CCDC171: variants seen among roughly 807,000 people sequenced by gnomAD.
CCDC171 encodes the protein coiled-coil domain-containing protein 171.
A neutral mutation model predicts 168.2 loss-of-function variants in CCDC171; 177 were observed. The ratio of observed to expected loss-of-function variants is 1.05; its 90% CI spans 0.93 to 1.19. The LOEUF is 1.19. Among genes scored for constraint, CCDC171 ranks in the 50% most tolerant of loss-of-function variants. The probability of loss-of-function intolerance (pLI) is 0.00; values close to 1 mark genes in which losing one functional copy is unlikely to be tolerated. For synonymous variants in CCDC171, 687 were observed against 540.8 expected, an observed-to-expected ratio of 1.27 and a Z score of -3.75; for missense variants, 1,991 against 1,539.0, an observed-to-expected ratio of 1.29 and a Z score of -4.91.
intron 10 of CCDC171, among the ~76,000 whole-genome samples, chr9:15,679,993 C>G (rs1258034955): frequency 4.6e-5 from 7 of 152,098 alleles, no homozygotes; most frequent in Non-Finnish European, 1.0e-4. Flanking sequence ...ATCTGTGAAG[C>G]TTTCTGTGAT....
At chr9:15,976,496 A>G, downstream of CCDC171, among the ~76,000 whole-genome samples, 1 of 152,076 alleles carries the variant, frequency 6.6e-6, no homozygotes. Flanking sequence ...TACAGTTTTA[A>G]AAAGATGCCT....
intron 3 of CCDC171, among the ~76,000 whole-genome samples, chr9:15,997,259 A>C (rs1461079774): frequency 6.6e-6 from 1 of 152,092 alleles, no homozygotes; most frequent in Non-Finnish European, 1.5e-5. Flanking sequence ...TAGAGCAAAG[A>C]CTGCGTCTTA....
At chr9:15,918,808 G>A (rs373278158) in intron 24 of CCDC171, among the ~76,000 whole-genome samples, 103 of 151,678 alleles carry the variant, frequency 6.8e-4, no homozygotes, top group African/African-American at 2.3e-3. Context: ...TAGATTAGGT[G>A]TTAAGATTAT....
chr9:15,821,938 A>ATGT lies in CCDC171; in HGVS notation c.3268-24764_3268-24763insTGT, dbSNP rs2059790124. 6.1e-5 allele frequency among the ~76,000 whole-genome samples: 3 copies of ATGT among 49,008 alleles called. 1 individual carries two copies. Among genetic ancestry groups the ATGT allele is most frequent in the Non-Finnish European group, 1.5e-4 (3 of 19,524 alleles). The allele number at this position is 49,008 out of a possible 152,430, so 32.2% of individuals were successfully genotyped here. A position where few individuals can be genotyped will look rare whatever the true frequency, so the allele number is the denominator to read the frequency against. On this transcript the variant is annotated intron_variant, in intron 21 of 25. Transcript: ENST00000380701. ...ACGCTACCTGACTTCAAACTATACA[A>ATGT]CAAGGCTACAGTAACCAAAACACCA...
chr9:15,679,199 G>T (rs1212246330), intron 10 of CCDC171, among the ~76,000 whole-genome samples: 1 of 152,026 alleles, frequency 6.6e-6, no homozygotes, highest in Non-Finnish European at 1.5e-5. Context: ...CTTAGATTAA[G>T]GGTGATTAGG....
intron 4 of CCDC171, among the ~76,000 whole-genome samples, chr9:15,586,976 TA>T (rs1352485102): frequency 2.0e-5 from 3 of 152,088 alleles, no homozygotes; most frequent in East Asian, 1.9e-4. Context: ...CGTGACTAAT[TA>T]AAAAAAATTT....
intron 3 of CCDC171, among the ~76,000 whole-genome samples, chr9:15,986,258 C>T (rs1248600970): frequency 6.6e-6 from 1 of 152,186 alleles, no homozygotes; most frequent in Non-Finnish European, 1.5e-5. Context: ...GTTGATTAAA[C>T]CCTTCTCTGC....
Position 15,918,139 on chromosome 9 carries a change from C to A in CCDC171, c.3601-2131C>A, listed in dbSNP as rs1289811860. 2.6e-5 allele frequency among the ~76,000 whole-genome samples: 4 copies of A among 151,316 alleles called. No individual in the cohort carries two copies. In the East Asian group the frequency reaches 5.8e-4, roughly 22 times the overall value. On this transcript the variant is annotated intron_variant, in intron 24 of 25. Transcript: ENST00000380701. ...GTAAACTTGGACTAGTTATTTAATC[C>A]CTCCAAGCTCCTGTGTTTTGCTCTG...
chr9:15,881,853 C>T (rs954636436), intron 24 of CCDC171, among the ~76,000 whole-genome samples: 1 of 152,136 alleles, frequency 6.6e-6, no homozygotes, highest in Non-Finnish European at 1.5e-5. Context: ...CATTTATTAA[C>T]GGCCACTTAG....
chr9:16,079,291 C>T, the CCDC171 span, among the ~76,000 whole-genome samples: 8 of 152,270 alleles, frequency 5.3e-5, no homozygotes, highest in East Asian at 1.9e-4. Flanking sequence ...CCAATTCGTA[C>T]GTGGAAATCC....
intron 24 of CCDC171, among the ~76,000 whole-genome samples, chr9:15,911,957 G>A (rs201345024): frequency 2.6e-5 from 4 of 152,012 alleles, no homozygotes; most frequent in Admixed American, 6.6e-5. Flanking sequence ...GTAGCCTTGT[G>A]GTATAGTTTG....
At chr9:15,901,678 T>C (rs918024775) in intron 24 of CCDC171, among the ~76,000 whole-genome samples, 1 of 152,238 alleles carries the variant, frequency 6.6e-6, no homozygotes, top group Admixed American at 6.5e-5. Context: ...TTCTTTACTA[T>C]AGTTTGGCAC....
intron 4 of CCDC171, among the ~76,000 whole-genome samples, chr9:15,588,887 G>T (rs3122706): frequency 0.91 from 137,791 of 151,604 alleles, 62,847 homozygotes; most frequent in African/African-American, 0.97. Flanking sequence ...TTTTGTATTT[G>T]TTTTGGTAGA....
intron 18 of CCDC171, among the ~76,000 whole-genome samples, chr9:15,761,662 G>A (rs1330081881): frequency 1.3e-5 from 2 of 151,622 alleles, no homozygotes; most frequent in East Asian, 1.9e-4. Context: ...TTTGTGTATG[G>A]GATTTTGTTA....
intron 25 of CCDC171, among the ~76,000 whole-genome samples, chr9:15,948,937 C>A (rs1461931113): frequency 3.9e-5 from 6 of 152,070 alleles, no homozygotes; most frequent in Admixed American, 2.6e-4. Flanking sequence ...GTTTTCTTCT[C>A]TGGTTTTTAT....
intron 21 of CCDC171, among the ~76,000 whole-genome samples, chr9:15,811,832 G>A (rs894117128): frequency 3.9e-5 from 6 of 152,202 alleles, no homozygotes; most frequent in African/African-American, 1.4e-4. Context: ...ACCTTAAGAT[G>A]TGTTGCTGCT....
chr9:15,983,472 G>T (rs1313267531), intron 3 of CCDC171, among the ~76,000 whole-genome samples: 2 of 146,334 alleles, frequency 1.4e-5, no homozygotes, highest in Non-Finnish European at 3.0e-5. Context: ...TGTGGATTTT[G>T]TGATCAGTTG....
chr9:15,778,604 C>G (rs989691611), intron 19 of CCDC171, among the ~76,000 whole-genome samples: 2 of 136,886 alleles, frequency 1.5e-5, no homozygotes, highest in African/African-American at 5.6e-5. Flanking sequence ...CGAGATTGTG[C>G]CACTGTACTC....
At position 15,561,996 on chromosome 9, in the gene CCDC171, T is replaced by A. The variant is rs577728453; in HGVS notation, c.-111-1982T>A. On this transcript the variant is annotated intron_variant, in intron 1 of 25. Transcript: ENST00000380701. ...CATGGGCAGTTCACAGCATGACATT[T>A]TGCTTCTTTTTTTTTTAAGATGGAG... Among the ~76,000 whole-genome samples the A allele has an allele frequency of 2.0e-5, 3 of 152,074 alleles. No homozygotes were observed. In the East Asian group the frequency reaches 5.8e-4, roughly 29 times the overall value.
Sources: allele counts gnomAD v4.1 joint callset (sites outside exome capture counted in the v4.1 genomes callset), GRCh38; gene constraint gnomAD v4.1.1; transcripts MANE v1.5; gene names NCBI Gene and HGNC (gene_info 2026-07-23, HGNC 2026-07-21).